Variants in MYO18B observed in about 807,000 individuals in gnomAD.
The protein encoded by MYO18B is myosin XVIIIB, also known as unconventional myosin-XVIIIb.
A neutral mutation model predicts 273.0 loss-of-function variants in MYO18B; 204 were observed. That is an observed-to-expected ratio of 0.75 (90% CI 0.67 to 0.84). The LOEUF is 0.84. MYO18B is among the 40% of genes least tolerant of loss of function. The pLI is 0.00. For synonymous variants in MYO18B, 1,330 were observed against 1,305.7 expected (o/e 1.02, Z -0.40); for missense variants, 3,212 against 3,287.6 (o/e 0.98, Z 0.56).
chr22:25,798,105 C>A lies in MYO18B; in HGVS notation c.2521+8C>A. On this transcript the variant is annotated splice_region_variant and intron_variant, in intron 12 of 43. Transcript: ENST00000335473. ...CGGCGGGGGCCTGCAAAGGTACGTCCTTCCTGCCGGGCTCACCTGGGAGGG... is the reference window on the plus strand; with the variant it reads ...CGGCGGGGGCCTGCAAAGGTACGTCATTCCTGCCGGGCTCACCTGGGAGGG... The A allele has an allele frequency of 6.3e-7, 1 of 1,597,612 alleles. No homozygotes were observed. Among genetic ancestry groups the A allele is most frequent in the Non-Finnish European group, 8.6e-7 (1 of 1,168,348 alleles).
At position 25,785,932 on chromosome 22, in the gene MYO18B, G is replaced by A. The variant is rs563197965; in HGVS notation, c.2376+441G>A. ...GGCTTGGCCTAAATCAATCAATAGGGTGCTCTTTGTCAGTACTAGTGGTGG... is the reference window on the plus strand; with the variant it reads ...GGCTTGGCCTAAATCAATCAATAGGATGCTCTTTGTCAGTACTAGTGGTGG... On this transcript the variant is annotated intron_variant, in intron 11 of 43. Transcript: ENST00000335473. 2.6e-5 allele frequency among the ~76,000 whole-genome samples: 4 copies of A among 152,234 alleles called. No individual in the cohort carries two copies. The East Asian group carries it at 7.7e-4, about 29-fold the overall frequency.
At chr22:25,869,286 CA>C (rs1296099414) in intron 22 of MYO18B, among the ~76,000 whole-genome samples, 2 of 151,728 alleles carry the variant, frequency 1.3e-5, no homozygotes, top group Non-Finnish European at 2.9e-5. Flanking sequence ...CCCATCTCTA[CA>C]AAAAATTTAA....
chr22:25,847,712 A>C (rs2090297942), intron 20 of MYO18B, 60 bp downstream of exon 20: 2 of 1,333,716 alleles, frequency 1.5e-6, no homozygotes, highest in East Asian at 5.0e-5. Flanking sequence ...TCCACCCACC[A>C]GTGGCAGCCA....
chr22:25,902,701 C>A lies in MYO18B; in HGVS notation c.4912C>A (p.Arg1638=). 6.3e-7 allele frequency: 1 copy of A among 1,591,694 alleles called. No homozygotes were observed. The highest frequency in any genetic ancestry group is 8.6e-7 in the Non-Finnish European group (1 of 1,168,674). ...EKVTQENTSV[R]WELGQLQQQL... is the part of the protein sequence containing the mutation. The stretch of plus-strand genomic sequence containing the variant: ...AGTGACCCAGGAGAACACCAGTGTC[C>A]GGTGGGAGCTAGGCCAGCTTCAGCA... Residue 1638 remains arginine (R), a synonymous_variant, in exon 30 of 44, where the codon CGG becomes AGG. Transcript: ENST00000335473.
intron 12 of MYO18B, among the ~76,000 whole-genome samples, chr22:25,810,158 C>T (rs1036535225): frequency 1.6e-4 from 24 of 146,614 alleles, no homozygotes; most frequent in Non-Finnish European, 3.3e-4. Context: ...AATGCAGTGG[C>T]ACCATCTCGG....
At chr22:25,949,979 T>C (rs891509479) in intron 36 of MYO18B, among the ~76,000 whole-genome samples, 3 of 152,134 alleles carry the variant, frequency 2.0e-5, no homozygotes, top group Admixed American at 6.5e-5. Flanking sequence ...GAGACTCAGG[T>C]GCAGAGAGGC....
At chr22:25,827,785 C>T (rs973727251) in intron 14 of MYO18B, among the ~76,000 whole-genome samples, 1 of 152,186 alleles carries the variant, frequency 6.6e-6, no homozygotes, top group African/African-American at 2.4e-5. Flanking sequence ...GCGGAGGAAA[C>T]TGCCTTCACC....
intron 9 of MYO18B, among the ~76,000 whole-genome samples, chr22:25,780,835 G>C (rs896122155): frequency 4.6e-5 from 7 of 152,058 alleles, no homozygotes; most frequent in African/African-American, 1.4e-4. Flanking sequence ...TCTTAAAAGC[G>C]CAAGTTGAAA....
At chr22:25,872,984 C>A (rs538444679) in intron 22 of MYO18B, among the ~76,000 whole-genome samples, 17 of 152,162 alleles carry the variant, frequency 1.1e-4, no homozygotes, top group Non-Finnish European at 2.4e-4. Flanking sequence ...TGACTGAAAT[C>A]CCACCATAAG....
intron 34 of MYO18B, among the ~76,000 whole-genome samples, chr22:25,938,045 C>A (rs2092601909): frequency 6.6e-6 from 1 of 152,100 alleles, no homozygotes; most frequent in Non-Finnish European, 1.5e-5. Context: ...TTGAGAATAG[C>A]CTTCCAAAGA....
intron 42 of MYO18B, among the ~76,000 whole-genome samples, chr22:26,018,986 G>A (rs1281136589): frequency 6.6e-6 from 1 of 152,138 alleles, no homozygotes; most frequent in African/African-American, 2.4e-5. Context: ...TGTGCACCCA[G>A]GCACCAGTAT....
Position 26,015,640 on chromosome 22 carries a change from G to A in MYO18B, c.6470+10785G>A, listed in dbSNP as rs534897208. ...ACATAGAGGGGAACAACACACACTG[G>A]GGCCTATCAGAAGGTGGAGGGTGGG... On this transcript the variant is annotated intron_variant, in intron 42 of 43. Transcript: ENST00000335473. Among the ~76,000 whole-genome samples the A allele has an allele frequency of 5.9e-5, 9 of 152,204 alleles. No homozygotes were observed. In the South Asian group the frequency reaches 1.9e-3, roughly 32 times the overall value.
At chr22:26,033,790 G>GCC (rs1936715333), downstream of MYO18B, among the ~76,000 whole-genome samples, 1 of 115,798 alleles carries the variant, frequency 8.6e-6, no homozygotes, top group African/African-American at 4.8e-5. Context: ...TTCTTTTTCT[G>GCC]TCTCTCCTTC....
chr22:26,049,535 G>A, the MYO18B span, among the ~76,000 whole-genome samples: 6 of 152,174 alleles, frequency 3.9e-5, no homozygotes, highest in Non-Finnish European at 5.9e-5. Context: ...TAGTGCCTGG[G>A]AGATAAGAGG....
intron 10 of MYO18B, 23 bp from the exon 11 acceptor site, chr22:25,785,405 C>A (rs1472705701): frequency 6.3e-7 from 1 of 1,596,898 alleles, no homozygotes; most frequent in Non-Finnish European, 8.5e-7. Context: ...CCCCCTGACT[C>A]CTGGTTCCTT....
chr22:25,774,262 G>A (rs776834277), intron 7 of MYO18B, among the ~76,000 whole-genome samples: 10 of 152,142 alleles, frequency 6.6e-5, no homozygotes, highest in Non-Finnish European at 1.2e-4. Flanking sequence ...GCTGTCCATG[G>A]TCAAGGGCCT....
intron 38 of MYO18B, among the ~76,000 whole-genome samples, 171 bp from the exon 39 acceptor site, chr22:25,955,008 C>G (rs772408973): frequency 2.5e-4 from 38 of 152,196 alleles, no homozygotes; most frequent in Non-Finnish European, 5.3e-4. Context: ...TGCGCCCGAC[C>G]ATCATTTTTT....
chr22:25,933,891 G>A (rs1186231789), intron 34 of MYO18B, among the ~76,000 whole-genome samples: 1 of 152,122 alleles, frequency 6.6e-6, no homozygotes, highest in Non-Finnish European at 1.5e-5. Context: ...CATGGTTTTT[G>A]TCTTTAGCAG....
At chr22:25,833,081 T>C in intron 16 of MYO18B, 84 bp downstream of exon 16, 2 of 1,292,932 alleles carry the variant, frequency 1.5e-6, no homozygotes, top group Non-Finnish European at 2.2e-6. Context: ...TTCAGTCTAC[T>C]AGTTGTCAAT....
Sources: gnomAD v4.1 joint callset for allele counts (sites outside exome capture counted in the v4.1 genomes callset) on GRCh38, gnomAD v4.1.1 for gene constraint, MANE v1.5 for transcripts, NCBI Gene and HGNC (gene_info 2026-07-23, HGNC 2026-07-21) for gene names.